The following TMEM132C variants were observed in gnomAD, a reference collection of about 807,000 sequenced individuals.
TMEM132C encodes protein phosphatase 1, regulatory subunit 152.
A neutral mutation model predicts 61.4 loss-of-function variants in TMEM132C; 29 were observed. The ratio of observed to expected loss-of-function variants is 0.47; its 90% CI spans 0.35 to 0.64. The LOEUF (loss-of-function observed/expected upper bound fraction) is 0.64, where lower values mean the gene tolerates loss of function less well. Ranked by LOEUF, TMEM132C falls within the 30% of genes least tolerant of loss-of-function variation. The pLI is 0.00. For synonymous variants in TMEM132C, 656 were observed against 633.1 expected, an observed-to-expected ratio of 1.04 and a Z score of -0.54; for missense variants, 1,408 against 1,476.9, an observed-to-expected ratio of 0.95 and a Z score of 0.76.
At chr12:128,473,295 C>T (rs796860578) in intron 2 of TMEM132C, among the ~76,000 whole-genome samples, 164 of 14,870 alleles carry the variant, frequency 0.011, no homozygotes, top group Non-Finnish European at 0.013. Flanking sequence ...CTCCAGCCTC[C>T]GTCTTCATCT....
chr12:128,564,175 G>A (rs1874619988), intron 3 of TMEM132C, among the ~76,000 whole-genome samples: 1 of 152,196 alleles, frequency 6.6e-6, no homozygotes, highest in African/African-American at 2.4e-5. Context: ...GAGTCCTATT[G>A]TGGAGGCTCT....
At chr12:128,692,799 T>C (rs930743413) in intron 5 of TMEM132C, among the ~76,000 whole-genome samples, 4 of 152,210 alleles carry the variant, frequency 2.6e-5, no homozygotes, top group Non-Finnish European at 4.4e-5. Flanking sequence ...TAGAGTCATA[T>C]TTGAATGAAT....
chr12:128,654,599 A>G (rs1954305507), intron 4 of TMEM132C, among the ~76,000 whole-genome samples: 1 of 152,112 alleles, frequency 6.6e-6, no homozygotes, highest in Non-Finnish European at 1.5e-5. Context: ...TAGATGCCCA[A>G]TAACTCTGAG....
At position 128,414,926 on chromosome 12, in the gene TMEM132C, G is replaced by T. The variant is rs1448305158; in HGVS notation, c.280G>T (p.Val94Leu). Reference sequence around the variant, plus strand: ...TACCTACAAAACCAGGCAGCCCCCAGTGCTCAATGCCAGCTATGGACCCTT... The same window carrying T: ...TACCTACAAAACCAGGCAGCCCCCATTGCTCAATGCCAGCTATGGACCCTT... ...FFTYKTRQPPVLNASYGPFSV... is the reference protein window; with the variant it reads ...FFTYKTRQPPLLNASYGPFSV... The change falls in exon 2 of 9, where the codon GTG (valine) becomes TTG (leucine). Residue 94 changes from valine to leucine, a missense_variant. Coordinates refer to ENST00000435159, the MANE Select transcript of TMEM132C (RefSeq NM_001136103.3). 1 of 1,551,620 alleles carries T rather than the reference G, an allele frequency of 6.4e-7. No homozygotes were observed. Among genetic ancestry groups the T allele is most frequent in the Non-Finnish European group, 8.7e-7 (1 of 1,147,032 alleles).
chr12:128,465,452 C>T (rs967155104), intron 2 of TMEM132C, among the ~76,000 whole-genome samples: 8 of 152,174 alleles, frequency 5.3e-5, no homozygotes, highest in Non-Finnish European at 1.0e-4. Context: ...CCACCTGCCT[C>T]GACCTCCCAA....
At chr12:128,373,564 T>C (rs986807633) in intron 1 of TMEM132C, among the ~76,000 whole-genome samples, 1 of 152,210 alleles carries the variant, frequency 6.6e-6, no homozygotes, top group South Asian at 2.1e-4. Context: ...TCCTCGTTGG[T>C]GGCTCACCTC....
intron 4 of TMEM132C, among the ~76,000 whole-genome samples, chr12:128,637,601 G>A (rs1009934980): frequency 6.6e-6 from 1 of 152,174 alleles, no homozygotes; most frequent in Admixed American, 6.5e-5. Flanking sequence ...ATGGGGTCTT[G>A]CTACATTGCC....
At chr12:128,677,443 T>C (rs2135637520) in intron 5 of TMEM132C, among the ~76,000 whole-genome samples, 1 of 151,846 alleles carries the variant, frequency 6.6e-6, no homozygotes, top group African/African-American at 2.4e-5. Context: ...ATGGGCGACA[T>C]GAATAGGACA....
chr12:128,395,286 G>A (rs1190419908), intron 1 of TMEM132C, among the ~76,000 whole-genome samples: 1 of 151,180 alleles, frequency 6.6e-6, no homozygotes, highest in African/African-American at 2.4e-5. Flanking sequence ...TATCAATATA[G>A]TTGTTTTAAC....
chr12:128,305,762 GA>G (rs2135922469), intron 1 of TMEM132C, among the ~76,000 whole-genome samples: 1 of 152,276 alleles, frequency 6.6e-6, no homozygotes, highest in East Asian at 1.9e-4. Context: ...TATTTTCAGA[GA>G]AAATGGAACA....
At chr12:128,432,207 TAACATCCATTGCTAACAC>T (rs1359752472) in intron 2 of TMEM132C, among the ~76,000 whole-genome samples, 13 of 152,238 alleles carry the variant, frequency 8.5e-5, no homozygotes, top group Admixed American at 4.6e-4. Flanking sequence ...CCTGCTAACG[TAACATCCATTGCTAACAC>T]AACATCCATT....
At chr12:128,446,283 G>A (rs1357801652) in intron 2 of TMEM132C, among the ~76,000 whole-genome samples, 1 of 152,202 alleles carries the variant, frequency 6.6e-6, no homozygotes, top group Non-Finnish European at 1.5e-5. Flanking sequence ...TCAAGTCTCA[G>A]ATCTAAGAAG....
At chr12:128,479,599 G>A (rs1020375490) in intron 2 of TMEM132C, among the ~76,000 whole-genome samples, 1 of 152,202 alleles carries the variant, frequency 6.6e-6, no homozygotes, top group Admixed American at 6.5e-5. Flanking sequence ...TTTGGCCGCG[G>A]CTGCCTTCAC....
At chr12:128,549,819 C>A (rs957132720) in intron 3 of TMEM132C, among the ~76,000 whole-genome samples, 7 of 152,088 alleles carry the variant, frequency 4.6e-5, no homozygotes, top group African/African-American at 1.4e-4. Flanking sequence ...TTCAAGCATT[C>A]GAGGTAGACA....
intron 2 of TMEM132C, among the ~76,000 whole-genome samples, chr12:128,416,392 G>A (rs878869711): frequency 6.6e-6 from 1 of 152,166 alleles, no homozygotes; most frequent in Admixed American, 6.5e-5. Flanking sequence ...CTCTTACAAT[G>A]TGTACTAGAA....
At chr12:128,585,761 C>G (rs908896378) in intron 3 of TMEM132C, among the ~76,000 whole-genome samples, 3 of 152,196 alleles carry the variant, frequency 2.0e-5, no homozygotes, top group Non-Finnish European at 2.9e-5. Context: ...ACCTTGAGGA[C>G]ATTATGCTCC....
chr12:128,703,356 T>TTC (rs1168213283), intron 8 of TMEM132C, among the ~76,000 whole-genome samples: 19 of 152,314 alleles, frequency 1.2e-4, no homozygotes, highest in African/African-American at 4.3e-4. Context: ...TGTCCATGTG[T>TTC]TCTCATCATT....
At chr12:128,487,660 C>T (rs1460823493) in intron 2 of TMEM132C, among the ~76,000 whole-genome samples, 2 of 150,910 alleles carry the variant, frequency 1.3e-5, no homozygotes, top group Non-Finnish European at 2.9e-5. Flanking sequence ...TACACAGGCA[C>T]ACACGTGAAA....
intron 2 of TMEM132C, among the ~76,000 whole-genome samples, chr12:128,519,193 C>T (rs1200348160): frequency 1.3e-5 from 2 of 152,224 alleles, no homozygotes; most frequent in Non-Finnish European, 2.9e-5. Flanking sequence ...ACAGATACCT[C>T]TTCTGCCTCA....
Sources: gnomAD v4.1 joint callset for allele counts (sites outside exome capture counted in the v4.1 genomes callset) on GRCh38, gnomAD v4.1.1 for gene constraint, MANE v1.5 for transcripts, NCBI Gene and HGNC (gene_info 2026-07-23, HGNC 2026-07-21) for gene names.